Variants in TTBK2 observed in about 807,000 individuals in gnomAD.
The protein encoded by TTBK2 is tau-tubulin kinase 2.
TTBK2 carries 28 observed loss-of-function variants against 110.8 expected under a neutral mutation model. The ratio of observed to expected loss-of-function variants is 0.25; its 90% CI spans 0.19 to 0.35. TTBK2 has a LOEUF of 0.35. TTBK2 is among the 10% of genes least tolerant of loss of function. The probability of loss-of-function intolerance (pLI) is 1.00; values close to 1 mark genes in which losing one functional copy is unlikely to be tolerated. For synonymous variants in TTBK2, 532 were observed against 527.3 expected (o/e 1.01, Z -0.12); for missense variants, 1,369 against 1,500.3 (o/e 0.91, Z 1.45).
At chr15:42,913,800 T>C (rs2030927753) in intron 1 of TTBK2, among the ~76,000 whole-genome samples, 1 of 152,168 alleles carries the variant, frequency 6.6e-6, no homozygotes, top group South Asian at 2.1e-4. Context: ...ATGACCAGAT[T>C]GTTAAGGAAA....
chr15:42,893,010 C>CAAAAA (rs780103161), intron 1 of TTBK2, among the ~76,000 whole-genome samples: 1 of 57,698 alleles, frequency 1.7e-5, no homozygotes, highest in Non-Finnish European at 3.7e-5. Context: ...GACTCTGTCT[C>CAAAAA]AAAAAAAAAA....
chr15:42,768,174 C>G (rs1055545132), intron 13 of TTBK2, among the ~76,000 whole-genome samples: 2 of 152,170 alleles, frequency 1.3e-5, no homozygotes, highest in Non-Finnish European at 2.9e-5. Context: ...TGGGCAAAAA[C>G]TGGAAGCATT....
intron 1 of TTBK2, among the ~76,000 whole-genome samples, chr15:42,881,116 T>C (rs1023090107): frequency 1.3e-5 from 2 of 151,560 alleles, no homozygotes; most frequent in Non-Finnish European, 2.9e-5. Context: ...ACCCTGTCTC[T>C]ACTAAAAATA....
intron 1 of TTBK2, among the ~76,000 whole-genome samples, chr15:42,897,218 C>A (rs1002049043): frequency 2.6e-5 from 4 of 151,910 alleles, no homozygotes; most frequent in Admixed American, 2.0e-4. Flanking sequence ...AGATATAAAT[C>A]TATGTTAAAG....
intron 3 of TTBK2, among the ~76,000 whole-genome samples, chr15:42,864,045 C>T (rs1179239882): frequency 6.6e-6 from 1 of 151,910 alleles, no homozygotes; most frequent in Non-Finnish European, 1.5e-5. Flanking sequence ...GCTAAGTCCC[C>T]AGAAGTAACG....
intron 9 of TTBK2, among the ~76,000 whole-genome samples, chr15:42,809,831 A>C (rs1226436816): frequency 6.6e-6 from 1 of 152,222 alleles, no homozygotes; most frequent in Non-Finnish European, 1.5e-5. Context: ...TACTATATGC[A>C]AATACATTTA....
At chr15:42,791,111 T>TCTC (rs1179479315) in intron 10 of TTBK2, among the ~76,000 whole-genome samples, 4 of 152,036 alleles carry the variant, frequency 2.6e-5, no homozygotes, top group South Asian at 2.1e-4. Context: ...ATGGTCTCGA[T>TCTC]CTGACCTCAT....
intron 1 of TTBK2, among the ~76,000 whole-genome samples, chr15:42,892,487 G>C (rs986863438): frequency 4.0e-5 from 6 of 149,980 alleles, no homozygotes; most frequent in Admixed American, 2.0e-4. Context: ...CAGGTGGATT[G>C]ATTGAGCTCA....
At chr15:42,761,199 C>G (rs57100350) in intron 13 of TTBK2, among the ~76,000 whole-genome samples, 4 of 152,118 alleles carry the variant, frequency 2.6e-5, no homozygotes, top group African/African-American at 9.7e-5. Flanking sequence ...GATTAAAGAC[C>G]TAAATGCAAG....
intron 1 of TTBK2, among the ~76,000 whole-genome samples, chr15:42,907,863 G>A (rs1265700702): frequency 6.7e-6 from 1 of 149,866 alleles, no homozygotes; most frequent in Non-Finnish European, 1.5e-5. Flanking sequence ...TTGAGCCCAG[G>A]AGTATGAGAC....
chr15:42,911,044 CAA>C (rs1386223617), intron 1 of TTBK2, among the ~76,000 whole-genome samples: 18 of 62,512 alleles, frequency 2.9e-4, no homozygotes, highest in Non-Finnish European at 5.6e-4. Flanking sequence ...AACTCCGTCT[CAA>C]AAAAAAAAAA....
chr15:42,795,257 A>AT lies in TTBK2; in HGVS notation c.823-457dup, dbSNP rs60181944. ...ATAGAAGTTCATTGTGCTTTCCTTC[A>AT]TTTTTTTTTTTTTTGCAGGTTTAAA... On this transcript the variant is annotated intron_variant, in intron 9 of 14. Transcript: ENST00000267890. Among the ~76,000 whole-genome samples, 508 of 139,884 alleles carry AT rather than the reference A, an allele frequency of 3.6e-3. 4 individuals are homozygous for AT. Among genetic ancestry groups the AT allele is most frequent in the East Asian group, 0.018 (87 of 4,844 alleles). The allele number at this position is 139,884 out of a possible 152,430, so 91.8% of individuals were successfully genotyped here. A position where few individuals can be genotyped will look rare whatever the true frequency, so the allele number is the denominator to read the frequency against.
chr15:42,843,613 G>C (rs566996828), intron 3 of TTBK2, among the ~76,000 whole-genome samples: 94 of 152,110 alleles, frequency 6.2e-4, no homozygotes, highest in African/African-American at 2.2e-3. Flanking sequence ...ACAAAAATCA[G>C]CCGGGCATGG....
chr15:42,769,964 C>A (rs897637020), intron 13 of TTBK2, among the ~76,000 whole-genome samples: 4 of 152,058 alleles, frequency 2.6e-5, no homozygotes, highest in Admixed American at 6.6e-5. Context: ...GACGTGGATG[C>A]AGCTGGAAAC....
chr15:42,815,113 T>C (rs1891885785), intron 7 of TTBK2, among the ~76,000 whole-genome samples: 1 of 152,180 alleles, frequency 6.6e-6, no homozygotes, highest in Admixed American at 6.5e-5. Context: ...TAAAATTAAC[T>C]GGAAAACCTA....
chr15:42,828,151 T>C (rs1892608147), intron 5 of TTBK2, 119 bp from the exon 6 acceptor site: 4 of 743,956 alleles, frequency 5.4e-6, no homozygotes, highest in Non-Finnish European at 6.7e-6. Flanking sequence ...ATGTTCCAAA[T>C]ATACTATTCT....
At chr15:42,760,413 A>G (rs1040166567) in intron 13 of TTBK2, among the ~76,000 whole-genome samples, 4 of 151,516 alleles carry the variant, frequency 2.6e-5, no homozygotes, top group Non-Finnish European at 5.9e-5. Context: ...ACAAAAAAAG[A>G]ATTCAATGAA....
chr15:42,906,319 C>G (rs1286934109), intron 1 of TTBK2, among the ~76,000 whole-genome samples: 1 of 152,128 alleles, frequency 6.6e-6, no homozygotes, highest in African/African-American at 2.4e-5. Flanking sequence ...AAGAAAATTA[C>G]CATATTTGCA....
intron 4 of TTBK2, among the ~76,000 whole-genome samples, chr15:42,833,404 A>C (rs1892852025): frequency 6.6e-6 from 1 of 152,176 alleles, no homozygotes; most frequent in Non-Finnish European, 1.5e-5. Flanking sequence ...AAGGAGAAAA[A>C]ATAATATAAT....
Sources: gnomAD v4.1 joint callset for allele counts (sites outside exome capture counted in the v4.1 genomes callset) on GRCh38, gnomAD v4.1.1 for gene constraint, MANE v1.5 for transcripts, NCBI Gene and HGNC (gene_info 2026-07-23, HGNC 2026-07-21) for gene names.